The following SPATA6 variants were observed in gnomAD, a reference collection of about 807,000 sequenced individuals.
SPATA6 encodes spermatogenesis-associated protein 6.
Under a neutral mutation model 65.3 loss-of-function variants are expected in SPATA6, and 56 were observed. That is an observed-to-expected ratio of 0.86 (90% CI 0.69 to 1.07). The LOEUF (loss-of-function observed/expected upper bound fraction) is 1.07. Ranked by LOEUF, SPATA6 falls within the 50% of genes least tolerant of loss-of-function variation. The pLI is 0.00. For synonymous variants in SPATA6, 199 were observed against 213.2 expected (o/e 0.93, Z 0.58); for missense variants, 590 against 594.8 (o/e 0.99, Z 0.08).
intron 11 of SPATA6, among the ~76,000 whole-genome samples, chr1:48,311,709 CGGACAGTGGGTGCA>C (rs1464450595): frequency 6.6e-6 from 1 of 152,282 alleles, no homozygotes; most frequent in South Asian, 2.1e-4. Context: ...TAGGGACTGT[CGGACAGTGGGTGCA>C]GGACAGTGGG....
chr1:48,386,948 T>A (rs1242338675), intron 8 of SPATA6, among the ~76,000 whole-genome samples: 1 of 152,242 alleles, frequency 6.6e-6, no homozygotes, highest in Non-Finnish European at 1.5e-5. Flanking sequence ...GATGTAGGGC[T>A]GTATTAGTCC....
intron 11 of SPATA6, among the ~76,000 whole-genome samples, chr1:48,311,842 T>C (rs1367318935): frequency 2.0e-5 from 3 of 152,190 alleles, no homozygotes; most frequent in Non-Finnish European, 4.4e-5. Flanking sequence ...TGACAGATGG[T>C]ACCTGGAAAT....
At chr1:48,332,796 C>T (rs1285878764) in intron 11 of SPATA6, among the ~76,000 whole-genome samples, 3 of 152,170 alleles carry the variant, frequency 2.0e-5, no homozygotes, top group African/African-American at 7.2e-5. Flanking sequence ...CCACATGGTA[C>T]ACACTGTAAG....
At chr1:48,408,573 C>T (rs1651917515) in intron 5 of SPATA6, among the ~76,000 whole-genome samples, 1 of 152,112 alleles carries the variant, frequency 6.6e-6, no homozygotes, top group Non-Finnish European at 1.5e-5. Context: ...CTTAAGAAGG[C>T]TCTTAGTGTA....
chr1:48,305,916 C>T, intron 11 of SPATA6, 38 bp from the exon 12 acceptor site: 1 of 1,496,664 alleles, frequency 6.7e-7, no homozygotes, highest in South Asian at 1.1e-5. Context: ...CTCACTGTCT[C>T]ATTGTCCCCA....
intron 1 of SPATA6, among the ~76,000 whole-genome samples, chr1:48,460,483 A>ATT (rs1489530136): frequency 6.6e-6 from 1 of 152,116 alleles, no homozygotes; most frequent in East Asian, 1.9e-4. Flanking sequence ...AGACCGAATA[A>ATT]TTGCCCCTAA....
intron 3 of SPATA6, among the ~76,000 whole-genome samples, chr1:48,424,882 G>A (rs557353340): frequency 6.6e-6 from 1 of 152,212 alleles, no homozygotes; most frequent in Admixed American, 6.5e-5. Flanking sequence ...TATATATTCT[G>A]GTTATTAATC....
chr1:48,301,872 T>C (rs1256627312), intron 12 of SPATA6, among the ~76,000 whole-genome samples: 1 of 152,092 alleles, frequency 6.6e-6, no homozygotes, highest in Non-Finnish European at 1.5e-5. Context: ...TATACAAACA[T>C]CGAACTAAAA....
intron 3 of SPATA6, among the ~76,000 whole-genome samples, chr1:48,416,610 C>T (rs1269058585): frequency 6.6e-6 from 1 of 152,036 alleles, no homozygotes; most frequent in African/African-American, 2.4e-5. Context: ...TTTCAAAATG[C>T]CAGTGATGTG....
chr1:48,444,365 TAAATGCACCAATCAGCACTCTTTAA>T (rs1454303808), intron 3 of SPATA6, among the ~76,000 whole-genome samples: 4 of 150,086 alleles, frequency 2.7e-5, no homozygotes, highest in Non-Finnish European at 4.4e-5. Context: ...TGAAGGACTG[TAAATGCACCAATCAGCACTCTTTAA>T]AAATGCACCA....
In SPATA6 at chr1:48,296,515, G is replaced by A. The variant is rs574962089; in HGVS notation, c.*2198C>T. On this transcript the variant is annotated 3_prime_UTR_variant, in exon 13 of 13. Transcript: ENST00000371847. ...GATACAGGTGCAATAAGTAATTTCT[G>A]TGGTACTTATTCACTTGGGAGATTT... 1 of 152,244 alleles carries A rather than the reference G, an allele frequency of 6.6e-6. No homozygotes were observed. The highest frequency in any genetic ancestry group is 2.4e-5 in the African/African-American group (1 of 41,542). The allele number at this position is 152,244 out of a possible 1,614,324, so 9.4% of individuals were successfully genotyped here.
chr1:48,424,098 T>C (rs1653615835), intron 3 of SPATA6, among the ~76,000 whole-genome samples: 1 of 152,174 alleles, frequency 6.6e-6, no homozygotes, highest in Non-Finnish European at 1.5e-5. Context: ...TTATTCATTC[T>C]TTCTCTATTT....
intron 3 of SPATA6, among the ~76,000 whole-genome samples, chr1:48,442,061 T>A (rs1024280676): frequency 6.6e-6 from 1 of 152,136 alleles, no homozygotes; most frequent in East Asian, 1.9e-4. Flanking sequence ...CCCAAGAGGA[T>A]CTCTTAGAAG....
intron 5 of SPATA6, among the ~76,000 whole-genome samples, chr1:48,406,684 T>TC (rs1651740436): frequency 6.6e-6 from 1 of 152,218 alleles, no homozygotes; most frequent in South Asian, 2.1e-4. Context: ...CTCTACTCCA[T>TC]CATCACCATC....
chr1:48,385,653 T>C (rs539022365), intron 8 of SPATA6, among the ~76,000 whole-genome samples: 27 of 152,306 alleles, frequency 1.8e-4, no homozygotes, highest in African/African-American at 4.8e-4. Flanking sequence ...TAGGGTTTAG[T>C]TGATAATCAA....
chr1:48,411,625 A>T (rs1329116009), intron 4 of SPATA6, 37 bp from the exon 5 acceptor site: 1 of 1,467,510 alleles, frequency 6.8e-7, no homozygotes, highest in African/African-American at 1.4e-5. Flanking sequence ...AATTATAATA[A>T]AATATTCTAT....
At chr1:48,462,642 C>A (rs544293876) in intron 1 of SPATA6, among the ~76,000 whole-genome samples, 1 of 152,162 alleles carries the variant, frequency 6.6e-6, no homozygotes, top group African/African-American at 2.4e-5. Flanking sequence ...TAGAGCCATA[C>A]ATCCAACAAA....
intron 10 of SPATA6, among the ~76,000 whole-genome samples, 174 bp from the exon 11 acceptor site, chr1:48,355,943 G>A (rs1293396981): frequency 6.6e-6 from 1 of 152,002 alleles, no homozygotes; most frequent in Non-Finnish European, 1.5e-5. Context: ...CAGTTATTTG[G>A]AGCTTTAATT....
At position 48,367,227 on chromosome 1, in the gene SPATA6, C is replaced by G. The variant is rs979285856; in HGVS notation, c.910-7457G>C. Among the ~76,000 whole-genome samples the G allele has an allele frequency of 5.2e-4, 79 of 152,198 alleles. 1 individual carries two copies. The highest frequency in any genetic ancestry group is 2.6e-3 in the Admixed American group (39 of 15,266). ...TGCTTTACTTCCAACTATGTGGTCA[C>G]TTTCGGAATAAGTGTGGTGTGGTGC... On this transcript the variant is annotated intron_variant, in intron 9 of 12. Coordinates refer to ENST00000371847, the MANE Select transcript of SPATA6 (RefSeq NM_019073.4).
Sources: allele counts gnomAD v4.1 joint callset (sites outside exome capture counted in the v4.1 genomes callset), GRCh38; gene constraint gnomAD v4.1.1; transcripts MANE v1.5; gene names NCBI Gene and HGNC (gene_info 2026-07-23, HGNC 2026-07-21).